Variants in TENM3 observed in about 807,000 individuals in gnomAD.
TENM3 encodes the protein teneurin transmembrane protein 3, also known as teneurin-3.
TENM3 carries 63 observed loss-of-function variants against 255.1 expected under a neutral mutation model. The ratio of observed to expected loss-of-function variants is 0.25; its 90% CI spans 0.20 to 0.30. The LOEUF is 0.30. Among genes scored for constraint, TENM3 ranks in the 10% least tolerant of loss-of-function variants. The probability of loss-of-function intolerance (pLI) is 1.00; values close to 1 mark genes in which losing one functional copy is unlikely to be tolerated. For synonymous variants in TENM3, 1,306 were observed against 1,322.3 expected (o/e 0.99, Z 0.27); for missense variants, 2,929 against 3,461.1 (o/e 0.85, Z 3.86).
chr4:182,593,805 A>G (rs1300852204), intron 3 of TENM3, among the ~76,000 whole-genome samples: 2 of 152,078 alleles, frequency 1.3e-5, no homozygotes, highest in Non-Finnish European at 2.9e-5. Flanking sequence ...TCACACCAAG[A>G]TATTTTCATC....
the TENM3 span, among the ~76,000 whole-genome samples, chr4:181,895,973 T>A: frequency 6.6e-6 from 1 of 152,210 alleles, no homozygotes; most frequent in Non-Finnish European, 1.5e-5. Context: ...GGTAGTTGAT[T>A]TTCTTCATAG....
At chr4:182,641,737 A>C (rs982394423) in intron 5 of TENM3, among the ~76,000 whole-genome samples, 13 of 152,122 alleles carry the variant, frequency 8.5e-5, no homozygotes, top group Non-Finnish European at 1.6e-4. Context: ...ATGTTGGTCA[A>C]GCTGGTCTCA....
At chr4:182,673,804 C>T (rs1279262000) in intron 7 of TENM3, among the ~76,000 whole-genome samples, 1 of 152,170 alleles carries the variant, frequency 6.6e-6, no homozygotes, top group Admixed American at 6.5e-5. Context: ...GTACACAAGA[C>T]AATTCACATA....
the TENM3 span, among the ~76,000 whole-genome samples, chr4:182,101,936 G>A: frequency 1.3e-5 from 2 of 152,228 alleles, no homozygotes; most frequent in Non-Finnish European, 2.9e-5. Context: ...TTTTCAGGTA[G>A]AAGAGTCTTG....
chr4:181,638,616 A>G, the TENM3 span, among the ~76,000 whole-genome samples: 3 of 152,214 alleles, frequency 2.0e-5, no homozygotes. Context: ...GAGAGCAGAG[A>G]GATTTGCTCT....
chr4:182,501,353 G>A (rs1013171958), intron 3 of TENM3, among the ~76,000 whole-genome samples: 1 of 120,340 alleles, frequency 8.3e-6, no homozygotes, highest in Non-Finnish European at 1.8e-5. Flanking sequence ...TAAAAAAATA[G>A]TTAAAGCTAT....
At chr4:182,019,124 C>T in the TENM3 span, among the ~76,000 whole-genome samples, 1 of 152,222 alleles carries the variant, frequency 6.6e-6, no homozygotes, top group Admixed American at 6.5e-5. Flanking sequence ...CTTTCCATTT[C>T]TGAAGCCACT....
At chr4:181,959,315 G>A in the TENM3 span, among the ~76,000 whole-genome samples, 344 of 152,066 alleles carry the variant, frequency 2.3e-3, 2 homozygotes, top group African/African-American at 7.7e-3. Flanking sequence ...TTGACTGCCC[G>A]TCTCTCTCAC....
chr4:182,107,132 A>G, the TENM3 span, among the ~76,000 whole-genome samples: 2,851 of 147,800 alleles, frequency 0.019, 65 homozygotes, highest in African/African-American at 0.06. Flanking sequence ...TACTTGCCTG[A>G]GTCTGGTGAA....
At chr4:182,721,773 G>A (rs1009847778) in intron 13 of TENM3, among the ~76,000 whole-genome samples, 8 of 151,946 alleles carry the variant, frequency 5.3e-5, no homozygotes, top group Non-Finnish European at 7.4e-5. Context: ...TATCAATTTT[G>A]TCTGATGAAA....
Position 182,628,765 on chromosome 4 carries a change from A to C in TENM3, c.864A>C (p.Arg288Ser). ...CACCACCTACTCGGCCACTACCTAG[A>C]AACACCCTATCAAGAAGTGCTTTTA... ...VYSPPTRPLP[R>S]NTLSRSAFKF... The change falls in exon 5 of 28, where the codon AGA (arginine) becomes AGC (serine). Residue 288 changes from arginine to serine, a missense_variant. Transcript: ENST00000511685. 6.2e-7 allele frequency: 1 copy of C among 1,610,278 alleles called. No homozygotes were observed.
intron 5 of TENM3, among the ~76,000 whole-genome samples, chr4:182,648,440 C>T (rs1752948657): frequency 6.6e-6 from 1 of 151,990 alleles, no homozygotes; most frequent in Admixed American, 6.6e-5. Flanking sequence ...CCTGCCACTA[C>T]ACTTGATTAA....
the TENM3 span, among the ~76,000 whole-genome samples, chr4:181,538,368 G>C: frequency 6.6e-6 from 1 of 151,952 alleles, no homozygotes; most frequent in African/African-American, 2.4e-5. Context: ...TCTTTATTAA[G>C]TGCCTCATAG....
intron 19 of TENM3, among the ~76,000 whole-genome samples, chr4:182,745,516 G>A (rs183403550): frequency 5.3e-5 from 8 of 152,202 alleles, no homozygotes; most frequent in Admixed American, 2.0e-4. Flanking sequence ...ATTCCATGCC[G>A]GGCATGGTGC....
At chr4:181,535,684 C>T in the TENM3 span, among the ~76,000 whole-genome samples, 9 of 152,208 alleles carry the variant, frequency 5.9e-5, no homozygotes, top group Admixed American at 2.0e-4. Context: ...ACCACTTTGA[C>T]CTTCTCAGTG....
chr4:181,754,022 A>G, the TENM3 span, among the ~76,000 whole-genome samples: 1 of 152,138 alleles, frequency 6.6e-6, no homozygotes, highest in East Asian at 1.9e-4. Context: ...TGAGATTGAC[A>G]AGTATGTTTT....
At chr4:181,461,139 A>G in the TENM3 span, among the ~76,000 whole-genome samples, 3 of 152,076 alleles carry the variant, frequency 2.0e-5, no homozygotes, top group Non-Finnish European at 4.4e-5. Flanking sequence ...CTAGAAATAT[A>G]GAATTCTAGG....
the TENM3 span, among the ~76,000 whole-genome samples, chr4:181,652,257 G>A: frequency 3.8e-3 from 579 of 151,806 alleles, no homozygotes; most frequent in Non-Finnish European, 7.0e-3. Context: ...GGTTTCCAAA[G>A]TCATCATTAT....
chr4:182,371,710 C>T (rs1561376664), intron 3 of TENM3, among the ~76,000 whole-genome samples: 1 of 152,176 alleles, frequency 6.6e-6, no homozygotes, highest in East Asian at 1.9e-4. Context: ...CGTTTCCTAT[C>T]CTGCTTCTAA....
Sources: gnomAD v4.1 joint callset for allele counts (sites outside exome capture counted in the v4.1 genomes callset) on GRCh38, gnomAD v4.1.1 for gene constraint, MANE v1.5 for transcripts, NCBI Gene and HGNC (gene_info 2026-07-23, HGNC 2026-07-21) for gene names.